TACC2: variants seen among roughly 807,000 people sequenced by gnomAD.
TACC2 encodes transforming acidic coiled-coil containing protein 2, also known as transforming acidic coiled-coil-containing protein 2.
In TACC2, 137 loss-of-function variants were observed where a neutral mutation model predicts 227.3. That is an observed-to-expected ratio of 0.60 (90% CI 0.52 to 0.69). The LOEUF (loss-of-function observed/expected upper bound fraction) is 0.69, where lower values mean the gene tolerates loss of function less well. Among genes scored for constraint, TACC2 ranks in the 30% least tolerant of loss-of-function variants. TACC2 has a pLI of 0.00. For synonymous variants in TACC2, 1,523 were observed against 1,487.5 expected (o/e 1.02, Z -0.55); for missense variants, 3,470 against 3,694.4 (o/e 0.94, Z 1.57).
chr10:122,016,259 C>A (rs139673892), intron 1 of TACC2, among the ~76,000 whole-genome samples: 1 of 37,990 alleles, frequency 2.6e-5, no homozygotes, highest in African/African-American at 1.3e-4. Flanking sequence ...GAGACCCTGT[C>A]TGAAAAAAAA....
chr10:122,093,815 T>C (rs2081084961), intron 5 of TACC2, among the ~76,000 whole-genome samples: 1 of 152,246 alleles, frequency 6.6e-6, no homozygotes, highest in African/African-American at 2.4e-5. Context: ...AATGTATGAT[T>C]ACAATGGTAA....
rs2075517081 is a variant in TACC2 at position 122,050,222 on chromosome 10, T to C, written c.34-216T>C. 6.6e-6 allele frequency among the ~76,000 whole-genome samples: 1 copy of C among 152,166 alleles called. No individual in the cohort carries two copies. Among genetic ancestry groups the C allele is most frequent in the Non-Finnish European group, 1.5e-5 (1 of 68,036 alleles). On this transcript the variant is annotated intron_variant, in intron 2 of 22. Transcript: ENST00000369005. The surrounding 1 kb of genome is among the most constrained non-coding windows in gnomAD (Gnocchi z 4.6). ...GAACTGCTTGTTTGACTTTGTTTCT[T>C]CCCCACTGGATGAGAGCAGCAGCCA...
Position 122,086,896 on chromosome 10 carries a change from C to T in TACC2, c.4396C>T (p.Pro1466Ser), listed in dbSNP as rs567812975. Reference sequence around the variant, plus strand: ...AGTGGATGTCACCCTTCTCCCTGCACCTCCTGCTCGACTCCAGGTGGAGAA... The same window carrying T: ...AGTGGATGTCACCCTTCTCCCTGCATCTCCTGCTCGACTCCAGGTGGAGAA... ...PGVDVTLLPA[P>S]PARLQVEKKQ... The change falls in exon 4 of 23, where the codon CCT (proline) becomes TCT (serine). Residue 1466 changes from proline (P) to serine (S), a missense_variant. Pro to Ser is a moderately conservative substitution (Grantham distance 74). Coordinates refer to ENST00000369005, the MANE Select transcript of TACC2 (RefSeq NM_206862.4). 1.3e-4 allele frequency: 206 copies of T among 1,613,952 alleles called. 2 individuals carry two copies. In the East Asian group the frequency reaches 4.5e-3, roughly 35 times the overall value.
At chr10:122,017,629 C>T (rs1226410135) in intron 1 of TACC2, among the ~76,000 whole-genome samples, 1 of 151,800 alleles carries the variant, frequency 6.6e-6, no homozygotes, top group Admixed American at 6.6e-5. Context: ...CCAACCTGGC[C>T]AACATGGCAA....
chr10:122,149,971 C>T (rs541468183), intron 7 of TACC2, among the ~76,000 whole-genome samples: 16 of 152,344 alleles, frequency 1.1e-4, no homozygotes, highest in African/African-American at 3.8e-4. Flanking sequence ...CCCTGGTTCC[C>T]GCTCAGTCTC....
chr10:122,137,595 G>A (rs905495063), intron 6 of TACC2, among the ~76,000 whole-genome samples: 7 of 152,310 alleles, frequency 4.6e-5, no homozygotes, highest in Middle Eastern at 3.4e-3. Context: ...AAGAATCCAT[G>A]CAGAGAGGTC....
chr10:122,213,454 ATTT>A, intron 9 of TACC2: 1 of 1,471,950 alleles, frequency 6.8e-7, no homozygotes, highest in Non-Finnish European at 9.5e-7. Flanking sequence ...CTTCCAAGCC[ATTT>A]TTATTTCCCC....
intron 11 of TACC2, among the ~76,000 whole-genome samples, chr10:122,224,165 C>T (rs1363347944): frequency 6.6e-6 from 1 of 152,134 alleles, no homozygotes; most frequent in Non-Finnish European, 1.5e-5. Flanking sequence ...TTGGACCAGC[C>T]CTGAAGACAC....
chr10:122,222,148 G>A (rs1197352723), intron 11 of TACC2, among the ~76,000 whole-genome samples: 1 of 152,212 alleles, frequency 6.6e-6, no homozygotes, highest in African/African-American at 2.4e-5. Context: ...TTCCTGGCCT[G>A]CCAGCTGTGT....
intron 5 of TACC2, among the ~76,000 whole-genome samples, chr10:122,109,851 T>TGCCGCCTTTGACCCTGG (rs1490226486): frequency 6.6e-6 from 1 of 152,242 alleles, no homozygotes; most frequent in East Asian, 1.9e-4. Context: ...TCTGTCGCTA[T>TGCCGCCTTTGACCCTGG]GCCGCCTTTG....
chr10:122,033,096 G>A, intron 2 of TACC2: 1 of 1,289,298 alleles, frequency 7.8e-7, no homozygotes, highest in African/African-American at 1.5e-5. Context: ...CATTTCAGCA[G>A]GAGGACTCCG....
At chr10:122,078,531 G>A (rs537353974) in intron 3 of TACC2, among the ~76,000 whole-genome samples, 5 of 152,308 alleles carry the variant, frequency 3.3e-5, no homozygotes, top group African/African-American at 9.6e-5. Flanking sequence ...CTGTGATGGA[G>A]GCTCTAGTCC....
chr10:122,069,083 C>T (rs1220537671), intron 3 of TACC2, among the ~76,000 whole-genome samples: 1 of 152,082 alleles, frequency 6.6e-6, no homozygotes, highest in Non-Finnish European at 1.5e-5. Flanking sequence ...GTATTCTACT[C>T]TGGGAACTGC....
chr10:122,114,434 A>G (rs933170976), intron 5 of TACC2, among the ~76,000 whole-genome samples: 1 of 152,226 alleles, frequency 6.6e-6, no homozygotes, highest in Non-Finnish European at 1.5e-5. Flanking sequence ...ACTTAGAGGA[A>G]GGGTTTTGTT....
At chr10:122,037,682 T>C (rs1292377082) in intron 2 of TACC2, among the ~76,000 whole-genome samples, 2 of 152,232 alleles carry the variant, frequency 1.3e-5, no homozygotes, top group Admixed American at 6.5e-5. Flanking sequence ...CCCTCATGTA[T>C]ACCCATCCGT....
In TACC2 at chr10:122,117,018, T is replaced by C. The variant is rs563379161; in HGVS notation, c.5574-15591T>C. 3.9e-5 allele frequency among the ~76,000 whole-genome samples: 6 copies of C among 152,102 alleles called. No homozygotes were observed. In the South Asian group the frequency reaches 1.0e-3, roughly 26 times the overall value. On this transcript the variant is annotated intron_variant, in intron 5 of 22. Coordinates refer to ENST00000369005, the MANE Select transcript of TACC2 (RefSeq NM_206862.4). ...GTGGCCCTTATGACTGCTATTATCA[T>C]TAATACTTTTATTGTAATGATTTAA... is the stretch of plus-strand genomic sequence containing the variant.
Position 122,227,840 on chromosome 10 carries a change from A to G in TACC2, c.7728A>G (p.Ser2576=). 1 of 1,607,290 alleles carries G rather than the reference A, an allele frequency of 6.2e-7. No homozygotes were observed. The highest frequency in any genetic ancestry group is 8.5e-7 in the Non-Finnish European group (1 of 1,176,380). Residue 2576 remains serine, a synonymous_variant, in exon 14 of 23, where the codon TCA becomes TCG. Transcript: ENST00000369005. ...AGATGCCCTTTGCTTCCCCCAGGTC[A>G]AGTTTTGAAGAGACTGAAGCCCTTG... The part of the protein sequence containing the change: ...MSESPTPCSG[S]SFEETEALVN...
At chr10:122,249,451 A>G in intron 21 of TACC2, 93 bp from the exon 22 acceptor site, 1 of 1,526,866 alleles carries the variant, frequency 6.5e-7, no homozygotes, top group Non-Finnish European at 8.9e-7. Context: ...CTGGGGCCAG[A>G]CCAGGCCACT....
At chr10:122,005,597 A>G (rs1288445671) in intron 1 of TACC2, among the ~76,000 whole-genome samples, 8 of 137,618 alleles carry the variant, frequency 5.8e-5, no homozygotes, top group South Asian at 2.4e-4. Flanking sequence ...TGTTAGCCAG[A>G]ATGGTCTCGA....
Sources: allele counts gnomAD v4.1 joint callset (sites outside exome capture counted in the v4.1 genomes callset), GRCh38; gene constraint gnomAD v4.1.1; non-coding constraint Gnocchi (gnomAD v3.1); transcripts MANE v1.5; gene names NCBI Gene and HGNC (gene_info 2026-07-23, HGNC 2026-07-21).